Variants in NKAIN3 observed in about 807,000 individuals in gnomAD.
NKAIN3 encodes the protein sodium/potassium transporting ATPase interacting 3, also known as sodium/potassium-transporting ATPase subunit beta-1-interacting protein 3.
NKAIN3 carries 25 observed loss-of-function variants against 30.2 expected under a neutral mutation model. The observed-to-expected ratio is 0.83, with a 90% confidence interval of 0.60 to 1.16. The LOEUF (loss-of-function observed/expected upper bound fraction) is 1.16. NKAIN3 is among the 50% of genes most tolerant of loss of function. The pLI is 0.00. For missense variants in NKAIN3, 225 were observed against 254.1 expected (o/e 0.89, Z 0.78); for synonymous variants, 91 against 89.6 (o/e 1.02, Z -0.09).
intron 3 of NKAIN3, among the ~76,000 whole-genome samples, chr8:62,691,408 G>A (rs1370899398): frequency 1.3e-5 from 2 of 152,060 alleles, no homozygotes; most frequent in African/African-American, 4.8e-5. Flanking sequence ...TGTTGAGGCT[G>A]AGCGCTAGGG....
chr8:62,770,059 G>A (rs1326982768), intron 4 of NKAIN3, among the ~76,000 whole-genome samples: 4 of 152,096 alleles, frequency 2.6e-5, no homozygotes, highest in South Asian at 2.1e-4. Flanking sequence ...TCCATCCCAC[G>A]ATTTATTATA....
At chr8:62,543,384 G>T (rs566912443) in intron 1 of NKAIN3, among the ~76,000 whole-genome samples, 2 of 152,222 alleles carry the variant, frequency 1.3e-5, no homozygotes, top group South Asian at 4.1e-4. Context: ...AACATGCAAA[G>T]GAATCATATA....
intron 4 of NKAIN3, among the ~76,000 whole-genome samples, chr8:62,916,891 G>A (rs911618175): frequency 4.6e-5 from 7 of 152,012 alleles, no homozygotes; most frequent in African/African-American, 1.5e-4. Context: ...GCTCCCACAC[G>A]CTCATGCTTC....
chr8:62,810,398 A>T (rs1469901161), intron 4 of NKAIN3, among the ~76,000 whole-genome samples: 1 of 152,150 alleles, frequency 6.6e-6, no homozygotes, highest in Non-Finnish European at 1.5e-5. Flanking sequence ...GTGTGCAAGC[A>T]TGGGAATGAG....
chr8:62,927,983 G>A (rs970358360), intron 5 of NKAIN3, among the ~76,000 whole-genome samples: 15 of 152,040 alleles, frequency 9.9e-5, no homozygotes, highest in African/African-American at 3.6e-4. Context: ...ACCTTAAAAA[G>A]AAGTATCATA....
intron 1 of NKAIN3, among the ~76,000 whole-genome samples, chr8:62,451,172 A>T (rs1351237886): frequency 2.0e-5 from 3 of 152,108 alleles, no homozygotes; most frequent in Non-Finnish European, 4.4e-5. Context: ...CTTATAAAAC[A>T]CAATTAACCA....
At chr8:62,393,610 C>T (rs1817640672) in intron 1 of NKAIN3, among the ~76,000 whole-genome samples, 1 of 151,816 alleles carries the variant, frequency 6.6e-6, no homozygotes, top group South Asian at 2.1e-4. Flanking sequence ...CAAATATTAA[C>T]ATTGGCTTGT....
chr8:62,962,217 A>T (rs1459163857), intron 6 of NKAIN3, among the ~76,000 whole-genome samples: 2 of 152,202 alleles, frequency 1.3e-5, no homozygotes, highest in African/African-American at 4.8e-5. Flanking sequence ...TTAAGTAAAA[A>T]TACTACATTT....
rs1823732740 is a variant in NKAIN3, at chr8:62,967,139, G to T, written c.*1732G>T. ...AAAAGCTGGCAGGGACCTTGAAGAT[G>T]GTGGAATCCAAGCCACTATTCTGCA... On this transcript the variant is annotated 3_prime_UTR_variant, in exon 7 of 7. Transcript: ENST00000623646. 6.6e-6 allele frequency among the ~76,000 whole-genome samples: 1 copy of T among 152,142 alleles called. No individual in the cohort carries two copies.
intron 4 of NKAIN3, among the ~76,000 whole-genome samples, chr8:62,806,262 T>G (rs981530979): frequency 6.6e-6 from 1 of 152,176 alleles, no homozygotes. Flanking sequence ...CTCAGGGATC[T>G]AGAACTAGAA....
At chr8:62,768,043 C>T (rs907915092) in intron 4 of NKAIN3, among the ~76,000 whole-genome samples, 2 of 152,076 alleles carry the variant, frequency 1.3e-5, no homozygotes, top group African/African-American at 4.8e-5. Context: ...TTCTATTAGA[C>T]AGTGCTAGTC....
At chr8:62,498,340 G>A (rs1807308579) in intron 1 of NKAIN3, among the ~76,000 whole-genome samples, 1 of 151,874 alleles carries the variant, frequency 6.6e-6, no homozygotes, top group South Asian at 2.1e-4. Flanking sequence ...GAAATTTAAG[G>A]TTTTAAATTT....
intron 4 of NKAIN3, among the ~76,000 whole-genome samples, chr8:62,772,277 T>G (rs1430303491): frequency 1.3e-5 from 2 of 152,238 alleles, no homozygotes; most frequent in Admixed American, 1.3e-4. Context: ...CCATTGTGTA[T>G]GTATACCACA....
At chr8:62,490,785 G>A (rs1807044153) in intron 1 of NKAIN3, among the ~76,000 whole-genome samples, 1 of 151,824 alleles carries the variant, frequency 6.6e-6, no homozygotes, top group Non-Finnish European at 1.5e-5. Flanking sequence ...GAAAGAATAA[G>A]GGCTTTGAAA....
At chr8:62,644,504 C>G (rs577716595) in intron 3 of NKAIN3, among the ~76,000 whole-genome samples, 1 of 152,010 alleles carries the variant, frequency 6.6e-6, no homozygotes, top group South Asian at 2.1e-4. Context: ...AATATGTCTA[C>G]CCTTATATCT....
rs183492265 is a variant in NKAIN3 at position 62,826,697 on chromosome 8, G to A, written c.471+79568G>A. Among the ~76,000 whole-genome samples the A allele has an allele frequency of 1.0e-3, 153 of 152,256 alleles. 1 individual carries two copies. Among genetic ancestry groups the A allele is most frequent in the African/African-American group, 3.6e-3 (149 of 41,554 alleles). On this transcript the variant is annotated intron_variant, in intron 4 of 6. Transcript: ENST00000623646. ...TCATTAGTACCTGCTGTTTGGGTAG[G>A]GAGAAGACAATTACATGTGAAGGGT...
chr8:62,707,393 G>GT (rs998678398), intron 3 of NKAIN3, among the ~76,000 whole-genome samples: 3 of 151,940 alleles, frequency 2.0e-5, no homozygotes, highest in African/African-American at 7.2e-5. Context: ...AACATCTACT[G>GT]TTTTTTGATT....
chr8:62,970,980 T>A lies in NKAIN3; in HGVS notation c.*5573T>A, dbSNP rs1585634115. On this transcript the variant is annotated 3_prime_UTR_variant, in exon 7 of 7. Coordinates refer to ENST00000623646, the MANE Select transcript of NKAIN3 (RefSeq NM_001304533.3). The stretch of plus-strand genomic sequence containing the variant: ...AAAAATGACAATGGATTAAATAACA[T>A]AGAGGTCTATTTCTCTTTTTATTTC... Among the ~76,000 whole-genome samples the A allele has an allele frequency of 1.3e-5, 2 of 152,210 alleles. No homozygotes were observed. Among genetic ancestry groups the A allele is most frequent in the Admixed American group, 6.5e-5 (1 of 15,280 alleles).
intron 1 of NKAIN3, among the ~76,000 whole-genome samples, chr8:62,298,034 G>T (rs576886370): frequency 3.3e-5 from 5 of 152,100 alleles, no homozygotes; most frequent in African/African-American, 9.6e-5. Flanking sequence ...GGACATGGAT[G>T]AAATTGGAAA....
Sources: allele counts gnomAD v4.1 joint callset (sites outside exome capture counted in the v4.1 genomes callset), GRCh38; gene constraint gnomAD v4.1.1; transcripts MANE v1.5; gene names NCBI Gene and HGNC (gene_info 2026-07-23, HGNC 2026-07-21).